AGBL4: variants seen among roughly 807,000 people sequenced by gnomAD.
AGBL4 encodes the protein AGBL carboxypeptidase 4.
AGBL4 carries 58 observed loss-of-function variants against 66.4 expected under a neutral mutation model. The observed-to-expected ratio is 0.87, with a 90% confidence interval of 0.71 to 1.09. The LOEUF is 1.09. Ranked by LOEUF, AGBL4 falls within the 50% of genes least tolerant of loss-of-function variation. The pLI, the probability that AGBL4 is intolerant of heterozygous loss-of-function variation, is 0.00. For synonymous variants in AGBL4, 234 were observed against 222.9 expected, an observed-to-expected ratio of 1.05 and a Z score of -0.44; for missense variants, 579 against 631.0, an observed-to-expected ratio of 0.92 and a Z score of 0.88.
rs533637528 is a variant in AGBL4 at position 49,088,170 on chromosome 1, C to A, written c.378-42370G>T. Among the ~76,000 whole-genome samples, 3 of 152,238 alleles carry A rather than the reference C, an allele frequency of 2.0e-5. No homozygotes were observed. In the East Asian group the frequency reaches 5.8e-4, roughly 29 times the overall value. The stretch of plus-strand genomic sequence containing the variant: ...GAGTATTGACACTATAAAGCAACCA[C>A]ACAATCAAGTATTCACAATAACTAG... On this transcript the variant is annotated intron_variant, in intron 4 of 13. Transcript: ENST00000371839.
In AGBL4 at chr1:49,847,768, C is replaced by T. The variant is rs938656098; in HGVS notation, c.157+3628G>A. On this transcript the variant is annotated intron_variant, in intron 2 of 13. Coordinates refer to ENST00000371839, the MANE Select transcript of AGBL4 (RefSeq NM_032785.4). ...CCAGGCTGGAGGGCAGTGGCGCGAT[C>T]TCGGCTCACTGCAGGCTCCACCCGC... Among the ~76,000 whole-genome samples the T allele has an allele frequency of 2.0e-5, 3 of 150,808 alleles. No individual in the cohort carries two copies. In the South Asian group the frequency reaches 6.3e-4, roughly 31 times the overall value.
At chr1:49,306,518 T>C (rs1248262768) in intron 3 of AGBL4, among the ~76,000 whole-genome samples, 1 of 152,214 alleles carries the variant, frequency 6.6e-6, no homozygotes, top group Non-Finnish European at 1.5e-5. Flanking sequence ...TCATAGCCTT[T>C]ACAAAATGTG....
At chr1:48,579,997 T>C (rs145605135) in intron 11 of AGBL4, among the ~76,000 whole-genome samples, 1 of 152,016 alleles carries the variant, frequency 6.6e-6, no homozygotes, top group Non-Finnish European at 1.5e-5. Flanking sequence ...TCTAAAATTG[T>C]AGTTTCGACT....
intron 5 of AGBL4, among the ~76,000 whole-genome samples, chr1:48,889,470 T>A (rs1650699058): frequency 6.6e-6 from 1 of 152,188 alleles, no homozygotes; most frequent in Admixed American, 6.5e-5. Context: ...CCAGAGCTTA[T>A]TAGAAAATAT....
intron 4 of AGBL4, among the ~76,000 whole-genome samples, chr1:49,207,026 G>A (rs1015808908): frequency 6.6e-6 from 1 of 152,114 alleles, no homozygotes; most frequent in African/African-American, 2.4e-5. Context: ...ATGATCTCAA[G>A]ATGAATGCAC....
intron 3 of AGBL4, among the ~76,000 whole-genome samples, chr1:49,424,303 T>C (rs1645611331): frequency 6.6e-6 from 1 of 151,970 alleles, no homozygotes; most frequent in South Asian, 2.1e-4. Flanking sequence ...GAATGAAAAA[T>C]CCTGGATTTT....
chr1:49,879,532 T>C (rs935499615), intron 1 of AGBL4, among the ~76,000 whole-genome samples: 28 of 148,370 alleles, frequency 1.9e-4, no homozygotes, highest in South Asian at 2.2e-4. Context: ...AGAGATCCGC[T>C]GTTAGTCTGA....
intron 5 of AGBL4, among the ~76,000 whole-genome samples, chr1:48,884,009 C>T (rs910841870): frequency 1.3e-5 from 2 of 152,186 alleles, no homozygotes; most frequent in African/African-American, 4.8e-5. Context: ...CCTCAGAGGG[C>T]CTTCCTGCTC....
At position 49,433,431 on chromosome 1, in the gene AGBL4, T is replaced by C. The variant is rs114169547; in HGVS notation, c.283-187567A>G. Among the ~76,000 whole-genome samples, 741 of 152,260 alleles carry C rather than the reference T, an allele frequency of 4.9e-3. 2 individuals carry two copies. Among genetic ancestry groups the C allele is most frequent in the Middle Eastern group, 6.8e-3 (2 of 292 alleles). On this transcript the variant is annotated intron_variant, in intron 3 of 13. Coordinates refer to ENST00000371839, the MANE Select transcript of AGBL4 (RefSeq NM_032785.4). ...CAACTGGTGTCCACTACAGAACTGA[T>C]TGCTTGCTTGGTGTGTGGGGAAATA...
chr1:49,714,635 C>A (rs1243025394), intron 2 of AGBL4, among the ~76,000 whole-genome samples: 1 of 150,496 alleles, frequency 6.6e-6, no homozygotes, highest in Non-Finnish European at 1.5e-5. Flanking sequence ...TATACACACA[C>A]AAATATTTAC....
intron 6 of AGBL4, among the ~76,000 whole-genome samples, chr1:48,784,215 G>A (rs992117471): frequency 1.1e-4 from 16 of 152,072 alleles, no homozygotes; most frequent in African/African-American, 3.6e-4. Flanking sequence ...CTGACACTGT[G>A]GTGAGTTCTC....
At chr1:49,309,243 T>A (rs755803107) in intron 3 of AGBL4, among the ~76,000 whole-genome samples, 32 of 152,104 alleles carry the variant, frequency 2.1e-4, no homozygotes, top group Admixed American at 6.6e-5. Context: ...TGGCAATGAT[T>A]ATTGTATTTT....
intron 5 of AGBL4, among the ~76,000 whole-genome samples, chr1:48,963,467 G>A (rs911178987): frequency 2.6e-5 from 4 of 151,762 alleles, no homozygotes; most frequent in Non-Finnish European, 1.5e-5. Flanking sequence ...TAAGGCAGCA[G>A]CGTCAATGAC....
At chr1:49,509,470 G>A (rs1649000068) in intron 3 of AGBL4, among the ~76,000 whole-genome samples, 1 of 151,750 alleles carries the variant, frequency 6.6e-6, no homozygotes, top group Admixed American at 6.6e-5. Flanking sequence ...GGAGACCTGG[G>A]TTATAAAAAC....
At chr1:48,705,469 G>C (rs320047) in intron 6 of AGBL4, among the ~76,000 whole-genome samples, 139,979 of 152,268 alleles carry the variant, frequency 0.92, 65,452 homozygotes, top group Non-Finnish European at 1. Flanking sequence ...ATTGTACTAA[G>C]CATTTCACAT....
At chr1:49,845,685 A>C in intron 2 of AGBL4, 8 of 1,602,756 alleles carry the variant, frequency 5.0e-6, no homozygotes, top group Non-Finnish European at 6.8e-6. Flanking sequence ...AGTCTGGGAA[A>C]GCCTTCAGCC....
intron 6 of AGBL4, chr1:48,776,936 GGC>G: frequency 1.7e-6 from 1 of 575,496 alleles, no homozygotes. Flanking sequence ...TGCTGGGGGG[GGC>G]GGGGGCGGCT....
At chr1:49,666,689 G>A (rs1176952938) in intron 3 of AGBL4, among the ~76,000 whole-genome samples, 1 of 151,384 alleles carries the variant, frequency 6.6e-6, no homozygotes, top group Admixed American at 6.6e-5. Context: ...ATAGATGAGA[G>A]CTAAAATTTA....
intron 3 of AGBL4, among the ~76,000 whole-genome samples, chr1:49,435,446 T>C (rs867998745): frequency 2.6e-5 from 4 of 152,324 alleles, no homozygotes; most frequent in Non-Finnish European, 5.9e-5. Flanking sequence ...TAACTATTTG[T>C]TAAGTAAATA....
Sources: allele counts gnomAD v4.1 joint callset (sites outside exome capture counted in the v4.1 genomes callset), GRCh38; gene constraint gnomAD v4.1.1; transcripts MANE v1.5; gene names NCBI Gene and HGNC (gene_info 2026-07-23, HGNC 2026-07-21).